The following UGP2 variants were observed in gnomAD, a reference collection of about 807,000 sequenced individuals.
UGP2 encodes UTP--glucose-1-phosphate uridylyltransferase.
In UGP2, 40 loss-of-function variants were observed where a neutral mutation model predicts 49.0. The observed-to-expected ratio is 0.82, with a 90% CI of 0.63 to 1.06. UGP2 has a LOEUF of 1.06. Among genes scored for constraint, UGP2 ranks in the 50% least tolerant of loss-of-function variants. The pLI is 0.00. For missense variants in UGP2, 460 were observed against 603.5 expected (o/e 0.76, Z 2.49); for synonymous variants, 225 against 213.0 (o/e 1.06, Z -0.49).
intron 3 of UGP2, chr2:63,859,169 T>A (rs1669659142): frequency 6.6e-6 from 1 of 151,674 alleles, no homozygotes; most frequent in African/African-American, 2.4e-5. Flanking sequence ...ATTTTTGTAT[T>A]TTTTTTGTAG....
At chr2:63,865,638 A>C (rs1021593514) in intron 3 of UGP2, among the ~76,000 whole-genome samples, 2 of 151,134 alleles carry the variant, frequency 1.3e-5, no homozygotes, top group African/African-American at 4.9e-5. Flanking sequence ...TTGTGAACTC[A>C]AGGGATCCTC....
rs1387779176 is a variant in UGP2, at chr2:63,842,183, A to T, written c.-3A>T. On this transcript the variant is annotated 5_prime_UTR_variant, in exon 1 of 10. Coordinates refer to ENST00000337130, the MANE Select transcript of UGP2 (RefSeq NM_006759.4). ...AGCCGGAGTATTTTACTAAGCCCCT[A>T]AAATGTCGAGATTTGTACAAGGTAA... The T allele has an allele frequency of 2.5e-6, 4 of 1,592,246 alleles. No homozygotes were observed. Among genetic ancestry groups the T allele is most frequent in the Non-Finnish European group, 3.4e-6 (4 of 1,174,344 alleles).
In UGP2 at chr2:63,855,520, G is replaced by GTTTTTTTTTTTT. The variant is rs372160888; in HGVS notation, c.20-776_20-765dup. Reference sequence around the variant, plus strand: ...TTGGGTCTGGGGTGTTTCTTTTTCTGTTTTTTTTTTTTTTTTTTTTTCTCT... The same window carrying GTTTTTTTTTTTT: ...TTGGGTCTGGGGTGTTTCTTTTTCTGTTTTTTTTTTTTTTTTTTTTTTTTTTTTTTTTTCTCT... On this transcript the variant is annotated intron_variant, in intron 1 of 9. Coordinates refer to ENST00000337130, the MANE Select transcript of UGP2 (RefSeq NM_006759.4). 1.3e-3 allele frequency: 250 copies of GTTTTTTTTTTTT among 194,250 alleles called. 1 individual carries two copies. The highest frequency in any genetic ancestry group is 1.5e-3 in the Non-Finnish European group (151 of 101,258). The allele number at this position is 194,250 out of a possible 1,614,324, so 12.0% of individuals were successfully genotyped here. A position where few individuals can be genotyped will look rare whatever the true frequency, so the allele number is the denominator to read the frequency against.
At chr2:63,890,748 C>G (rs756719437) in intron 9 of UGP2, among the ~76,000 whole-genome samples, 1 of 152,060 alleles carries the variant, frequency 6.6e-6, no homozygotes, top group Non-Finnish European at 1.5e-5. Context: ...GTTATAAAAA[C>G]AACAACAAAA....
chr2:63,859,296 T>C (rs1669672936), intron 3 of UGP2: 2 of 152,050 alleles, frequency 1.3e-5, no homozygotes, highest in South Asian at 4.1e-4. Flanking sequence ...TTCCTGACAG[T>C]GGTTTTGGTC....
intron 4 of UGP2, chr2:63,883,211 A>C (rs1671431030): frequency 6.6e-6 from 1 of 152,198 alleles, no homozygotes; most frequent in Non-Finnish European, 1.5e-5. Context: ...CTTATTGTCC[A>C]CCAAGTATTA....
intron 3 of UGP2, among the ~76,000 whole-genome samples, chr2:63,877,958 A>G (rs1671024881): frequency 8.0e-6 from 1 of 125,072 alleles, no homozygotes; most frequent in African/African-American, 3.0e-5. Flanking sequence ...GCGCCACTGC[A>G]GTCCGCAGTC....
chr2:63,849,237 T>C (rs1045441287), intron 1 of UGP2, among the ~76,000 whole-genome samples: 3 of 152,246 alleles, frequency 2.0e-5, no homozygotes, highest in African/African-American at 4.8e-5. Context: ...AGTCAACATA[T>C]TGTAAAAATA....
At chr2:63,862,484 A>G (rs1396510246) in intron 3 of UGP2, among the ~76,000 whole-genome samples, 1 of 152,170 alleles carries the variant, frequency 6.6e-6, no homozygotes, top group African/African-American at 2.4e-5. Context: ...GGGACCTGAT[A>G]AAGGAACTGA....
In UGP2 at chr2:63,891,249, T is replaced by C. The variant is rs368187058; in HGVS notation, c.*22T>C. ...CTGAAATGAAAAATACTGTGGACAC[T>C]TAAATAATGGGCTAGTTTCTTACAA... On this transcript the variant is annotated 3_prime_UTR_variant, in exon 10 of 10. Coordinates refer to ENST00000337130, the MANE Select transcript of UGP2 (RefSeq NM_006759.4). 7.6e-6 allele frequency: 12 copies of C among 1,573,436 alleles called. No individual in the cohort carries two copies. The highest frequency in any genetic ancestry group is 1.7e-5 in the Admixed American group (1 of 59,086).
At chr2:63,854,620 C>T (rs1398228229) in intron 1 of UGP2, among the ~76,000 whole-genome samples, 2 of 152,186 alleles carry the variant, frequency 1.3e-5, no homozygotes, top group African/African-American at 4.8e-5. Flanking sequence ...TCTAAGCACT[C>T]TTCCTTATTC....
At position 63,890,018 on chromosome 2, in the gene UGP2, A is replaced by G. The variant is rs148435589; in HGVS notation, c.1315-63A>G. 6.6e-4 allele frequency: 846 copies of G among 1,284,444 alleles called. 8 individuals are homozygous for G. The African/African-American group carries it at 0.011, about 16-fold the overall frequency. The allele number at this position is 1,284,444 out of a possible 1,614,324, so 79.6% of individuals were successfully genotyped here. A position where few individuals can be genotyped will look rare whatever the true frequency, so the allele number is the denominator to read the frequency against. On this transcript the variant is annotated intron_variant, in intron 8 of 9. Coordinates refer to ENST00000337130, the MANE Select transcript of UGP2 (RefSeq NM_006759.4). ...AGTTCAGTTAAACTTTCTTGTTAAT[A>G]TTTTTCCTGTCTTTCTTTGAACCCA...
chr2:63,891,057 C>T, intron 9 of UGP2, 63 bp from the exon 10 acceptor site: 1 of 1,412,694 alleles, frequency 7.1e-7, no homozygotes. Context: ...AACTTGATCA[C>T]TGTAAGATAA....
rs1575790812 is a variant in UGP2, at chr2:63,842,162, G to A, written c.-24G>A. The A allele has an allele frequency of 1.9e-6, 3 of 1,576,340 alleles. No homozygotes were observed. The highest frequency in any genetic ancestry group is 2.8e-5 in the African/African-American group (2 of 72,130). On this transcript the variant is annotated 5_prime_UTR_variant, in exon 1 of 10. Transcript: ENST00000337130. ...CCTCTAGAAAAAAAAAAAAAAAGCC[G>A]GAGTATTTTACTAAGCCCCTAAAAT...
chr2:63,854,681 T>G (rs1669268247), intron 1 of UGP2, among the ~76,000 whole-genome samples: 1 of 152,216 alleles, frequency 6.6e-6, no homozygotes, highest in Non-Finnish European at 1.5e-5. Context: ...GATTCTTTAA[T>G]CACTAAAAAC....
chr2:63,860,895 G>C (rs548449959), intron 3 of UGP2, among the ~76,000 whole-genome samples: 1 of 149,884 alleles, frequency 6.7e-6, no homozygotes, highest in African/African-American at 2.5e-5. Context: ...ATAAATACTA[G>C]ATTGAAGGAC....
intron 3 of UGP2, among the ~76,000 whole-genome samples, chr2:63,876,837 G>A (rs1416808772): frequency 6.6e-6 from 1 of 152,198 alleles, no homozygotes; most frequent in African/African-American, 2.4e-5. Flanking sequence ...CCGTGGATCA[G>A]CTCATTTTAT....
At chr2:63,886,733 A>G (rs567046925) in intron 7 of UGP2, among the ~76,000 whole-genome samples, 195 bp downstream of exon 7, 2 of 152,190 alleles carry the variant, frequency 1.3e-5, no homozygotes, top group African/African-American at 4.8e-5. Flanking sequence ...ATGGTGCCCT[A>G]TATTTGACCC....
At chr2:63,851,258 G>A (rs1445562629) in intron 1 of UGP2, among the ~76,000 whole-genome samples, 5 of 152,188 alleles carry the variant, frequency 3.3e-5, no homozygotes, top group African/African-American at 4.8e-5. Context: ...ACTGTGCAAG[G>A]TGCTAAGGTA....
Sources: allele counts gnomAD v4.1 joint callset (sites outside exome capture counted in the v4.1 genomes callset), GRCh38; gene constraint gnomAD v4.1.1; transcripts MANE v1.5; gene names NCBI Gene and HGNC (gene_info 2026-07-23, HGNC 2026-07-21).